The following PLD5 variants were observed in gnomAD, a reference collection of about 807,000 sequenced individuals.
PLD5 encodes the protein inactive phospholipase D5.
A neutral mutation model predicts 61.1 loss-of-function variants in PLD5; 36 were observed. The ratio of observed to expected loss-of-function variants is 0.59; its 90% confidence interval spans 0.45 to 0.78. The LOEUF (loss-of-function observed/expected upper bound fraction) is 0.78. Among genes scored for constraint, PLD5 ranks in the 30% least tolerant of loss-of-function variants. PLD5 has a pLI of 0.00. For missense variants in PLD5, 515 were observed against 644.4 expected (o/e 0.80, Z 2.17); for synonymous variants, 243 against 242.8 (o/e 1.00, Z -0.01).
At chr1:242,162,447 C>G (rs1230820922) in intron 5 of PLD5, among the ~76,000 whole-genome samples, 1 of 152,130 alleles carries the variant, frequency 6.6e-6, no homozygotes, top group Non-Finnish European at 1.5e-5. Flanking sequence ...TATTGTCAGT[C>G]ACTCTGTAAC....
chr1:242,205,158 G>A (rs1206517868), intron 5 of PLD5, among the ~76,000 whole-genome samples: 1 of 152,166 alleles, frequency 6.6e-6, no homozygotes, highest in Non-Finnish European at 1.5e-5. Context: ...AGGGGTTGGA[G>A]GGACAAATCC....
At chr1:242,378,270 T>G (rs544540738) in intron 1 of PLD5, among the ~76,000 whole-genome samples, 3 of 152,244 alleles carry the variant, frequency 2.0e-5, no homozygotes, top group Admixed American at 2.0e-4. Flanking sequence ...AAAAGGATAA[T>G]GTATGATTTC....
At chr1:242,500,906 A>G (rs1668533467) in intron 1 of PLD5, among the ~76,000 whole-genome samples, 1 of 152,204 alleles carries the variant, frequency 6.6e-6, no homozygotes, top group Non-Finnish European at 1.5e-5. Flanking sequence ...GGAAGATGAA[A>G]GGTTAGGGAC....
intron 4 of PLD5, 142 bp downstream of exon 4, chr1:242,265,195 A>T: frequency 8.8e-7 from 1 of 1,136,346 alleles, no homozygotes; most frequent in East Asian, 3.3e-5. Flanking sequence ...ACTTTAATCG[A>T]GTTATTTTTC....
At chr1:242,202,497 C>T (rs1177779164) in intron 5 of PLD5, among the ~76,000 whole-genome samples, 1 of 152,130 alleles carries the variant, frequency 6.6e-6, no homozygotes, top group Non-Finnish European at 1.5e-5. Flanking sequence ...CACTTTCAGC[C>T]CTAAAACTGT....
intron 1 of PLD5, among the ~76,000 whole-genome samples, chr1:242,466,478 C>T (rs1667280214): frequency 1.3e-5 from 2 of 152,126 alleles, no homozygotes; most frequent in Non-Finnish European, 2.9e-5. Flanking sequence ...GAATGCTATT[C>T]AGCCTTAAAA....
intron 4 of PLD5, among the ~76,000 whole-genome samples, chr1:242,226,293 A>G (rs1172956482): frequency 1.3e-5 from 2 of 152,156 alleles, no homozygotes; most frequent in African/African-American, 4.8e-5. Flanking sequence ...AGATGCATAC[A>G]TCACAATGTG....
chr1:242,208,714 G>T (rs1418166864), intron 5 of PLD5, among the ~76,000 whole-genome samples: 2 of 152,116 alleles, frequency 1.3e-5, no homozygotes, highest in Non-Finnish European at 2.9e-5. Flanking sequence ...TTGATCACCA[G>T]CATCATACCA....
intron 4 of PLD5, among the ~76,000 whole-genome samples, chr1:242,253,528 T>C (rs977535726): frequency 1.3e-5 from 2 of 151,788 alleles, no homozygotes; most frequent in Admixed American, 1.3e-4. Flanking sequence ...TTAGCCAGGA[T>C]GGTCTCGATC....
At chr1:242,151,021 T>C (rs569263834) in intron 5 of PLD5, among the ~76,000 whole-genome samples, 7 of 151,934 alleles carry the variant, frequency 4.6e-5, no homozygotes, top group Non-Finnish European at 1.0e-4. Context: ...GATTTTTAAT[T>C]AATCAGAGTC....
intron 4 of PLD5, among the ~76,000 whole-genome samples, chr1:242,239,682 A>T (rs10465635): frequency 0.16 from 23,634 of 152,152 alleles, 1,919 homozygotes; most frequent in South Asian, 0.25. Context: ...GAGGGTTTTT[A>T]AAACCAGACA....
chr1:242,372,475 G>A lies in PLD5; in HGVS notation c.190-24233C>T, dbSNP rs530831428. Among the ~76,000 whole-genome samples, 191 of 152,220 alleles carry A rather than the reference G, an allele frequency of 1.3e-3. 1 individual carries two copies. Among genetic ancestry groups the A allele is most frequent in the African/African-American group, 4.2e-3 (175 of 41,548 alleles). ...TTCATATGGAACCAAAAAAGAGCCC[G>A]CATTGCCAAGTCAATCCTAAGCCAA... On this transcript the variant is annotated intron_variant, in intron 1 of 9. Transcript: ENST00000536534.
At chr1:242,090,262 A>T (rs1042057063) in intron 9 of PLD5, 152 bp from the exon 10 acceptor site, 51 of 1,010,572 alleles carry the variant, frequency 5.0e-5, no homozygotes, top group East Asian at 1.0e-4. Flanking sequence ...CCGAAAAAAA[A>T]ATCCAAGAAG....
chr1:242,427,474 T>C (rs1278578333), intron 1 of PLD5, among the ~76,000 whole-genome samples: 2 of 152,206 alleles, frequency 1.3e-5, no homozygotes, highest in African/African-American at 4.8e-5. Context: ...TCTACCATGA[T>C]TCAATTTAAT....
chr1:242,333,786 GACCT>G (rs1659337537), intron 2 of PLD5, among the ~76,000 whole-genome samples: 1 of 152,080 alleles, frequency 6.6e-6, no homozygotes, highest in Non-Finnish European at 1.5e-5. Context: ...TTAACATAAT[GACCT>G]CCAGTTCCAT....
intron 1 of PLD5, among the ~76,000 whole-genome samples, chr1:242,515,624 A>G (rs1342788871): frequency 6.6e-6 from 1 of 152,186 alleles, no homozygotes; most frequent in Non-Finnish European, 1.5e-5. Context: ...GATGCAATAG[A>G]TATATATAAA....
intron 5 of PLD5, among the ~76,000 whole-genome samples, chr1:242,217,343 C>T (rs12038735): frequency 0.6 from 91,031 of 151,956 alleles, 29,621 homozygotes; most frequent in South Asian, 0.81. Flanking sequence ...CATTTGTTGG[C>T]CAGGCACGGT....
intron 5 of PLD5, among the ~76,000 whole-genome samples, chr1:242,160,436 C>A (rs1665733317): frequency 1.3e-5 from 2 of 152,146 alleles, no homozygotes; most frequent in Non-Finnish European, 2.9e-5. Flanking sequence ...TTCAACATAA[C>A]ATTCCTGAGA....
intron 7 of PLD5, among the ~76,000 whole-genome samples, chr1:242,111,635 A>G (rs1661513075): frequency 6.6e-6 from 1 of 152,164 alleles, no homozygotes; most frequent in Non-Finnish European, 1.5e-5. Flanking sequence ...TTAAAGTTGA[A>G]TTCACTCCTG....
Sources: allele counts gnomAD v4.1 joint callset (sites outside exome capture counted in the v4.1 genomes callset), GRCh38; gene constraint gnomAD v4.1.1; transcripts MANE v1.5; gene names NCBI Gene and HGNC (gene_info 2026-07-23, HGNC 2026-07-21).